Variants in SIPA1 observed in about 807,000 individuals in gnomAD.
SIPA1 encodes signal-induced proliferation-associated protein 1.
In SIPA1, 51 loss-of-function variants were observed where a neutral mutation model predicts 88.1. The observed-to-expected ratio is 0.58, with a 90% CI of 0.46 to 0.73. The LOEUF is 0.73. SIPA1 is among the 30% of genes least tolerant of loss of function. SIPA1 has a pLI of 0.00. For synonymous variants in SIPA1, 681 were observed against 664.8 expected (o/e 1.02, Z -0.37); for missense variants, 1,348 against 1,467.6 (o/e 0.92, Z 1.33).
Position 65,650,680 on chromosome 11 carries a change from A to T in SIPA1, c.3094A>T (p.Lys1032Ter). The T allele has an allele frequency of 6.3e-7, 1 of 1,580,054 alleles. No individual in the cohort carries two copies. The highest frequency in any genetic ancestry group is 1.7e-4 in the Middle Eastern group (1 of 6,006). ...SAATRLLLAS[K>*]QLGSPTADLA ...AGCCACACGCCTCCTCCTGGCCTCC[A>T]AGCAGCTGGGCTCACCCACCGCCGA... The change falls in exon 16 of 16, where the codon AAG becomes TAG. Residue 1032 changes from lysine (K) to a stop codon, truncating the protein, a stop_gained. Coordinates refer to ENST00000534313, the MANE Select transcript of SIPA1 (RefSeq NM_006747.4). LOFTEE classifies it high-confidence loss of function.
rs1223660297 is a variant in SIPA1, at chr11:65,647,867, C to CCT, written c.2306+216_2306+217dup. 1.5e-4 allele frequency among the ~76,000 whole-genome samples: 22 copies of CCT among 151,248 alleles called. No individual in the cohort carries two copies. The East Asian group carries it at 2.7e-3, about 19-fold the overall frequency. On this transcript the variant is annotated intron_variant, in intron 9 of 15. Coordinates refer to ENST00000534313, the MANE Select transcript of SIPA1 (RefSeq NM_006747.4). ...CTCTGTCCTTCCTTCCTCTCTCTCT[C>CCT]CTCTCTCTTTTTTTTTTTTTTGAGA...
chr11:65,644,901 G>T (rs1035958373), intron 4 of SIPA1, 54 bp from the exon 5 acceptor site: 11 of 1,547,436 alleles, frequency 7.1e-6, no homozygotes, highest in Non-Finnish European at 9.7e-6. Context: ...CTAAGAGCTG[G>T]TGGGGTGGGG....
Position 65,641,311 on chromosome 11 carries a change from G to A in SIPA1, c.390G>A (p.Pro130=), listed in dbSNP as rs778761409. The change falls in exon 2 of 16, where the codon CCG becomes CCA. Residue 130 remains proline, a synonymous_variant. Coordinates refer to ENST00000534313, the MANE Select transcript of SIPA1 (RefSeq NM_006747.4). ...DVQSLLFDWA[P]RSQGMGSHSE... Reference sequence around the variant, plus strand: ...AAAGCCTGCTCTTTGATTGGGCTCCGAGGTCTCAGGGGATGGGGAGCCACT... The same window carrying A: ...AAAGCCTGCTCTTTGATTGGGCTCCAAGGTCTCAGGGGATGGGGAGCCACT... The A allele has an allele frequency of 3.7e-5, 59 of 1,613,602 alleles. No individual in the cohort carries two copies. The highest frequency in any genetic ancestry group is 4.5e-5 in the Non-Finnish European group (53 of 1,180,034).
At chr11:65,647,300 G>T in intron 8 of SIPA1, 84 bp from the exon 9 acceptor site, 1 of 1,369,372 alleles carries the variant, frequency 7.3e-7, no homozygotes, top group Non-Finnish European at 9.4e-7. Flanking sequence ...AGTTCCGTGT[G>T]GCCTGGGACG....
rs1856015839 is a variant in SIPA1, at chr11:65,642,111, A to G, written c.680-139A>G. 6 of 1,227,720 alleles carry G rather than the reference A, an allele frequency of 4.9e-6. No homozygotes were observed. The Admixed American group carries it at 1.1e-4, about 23-fold the overall frequency. The allele number at this position is 1,227,720 out of a possible 1,614,324, so 76.1% of individuals were successfully genotyped here. A position where few individuals can be genotyped will look rare whatever the true frequency, so the allele number is the denominator to read the frequency against. On this transcript the variant is annotated intron_variant, in intron 2 of 15. Transcript: ENST00000534313. The surrounding 1 kb of genome is among the most constrained non-coding windows in gnomAD (Gnocchi z 6.5). ...ATCAAGATATTGAGCTCGGGGCTAC[A>G]GAGGGGCGGGACTTAGTCTAGGGTC...
At position 65,641,223 on chromosome 11, in the gene SIPA1, A is replaced by T. The variant is rs1471679904; in HGVS notation, c.302A>T (p.Glu101Val). 6.2e-7 allele frequency: 1 copy of T among 1,612,974 alleles called. No homozygotes were observed. Among genetic ancestry groups the T allele is most frequent in the South Asian group, 1.1e-5 (1 of 91,080 alleles). The change falls in exon 2 of 16, where the codon GAG (glutamate) becomes GTG (valine). Residue 101 changes from glutamate to valine, a missense_variant. By Grantham distance (121) the Glu-to-Val change is moderately radical (BLOSUM62 -2). Coordinates refer to ENST00000534313, the MANE Select transcript of SIPA1 (RefSeq NM_006747.4). ...DPLALLGLPA[E>V]EPEPAFPPVL... ...CTGGCACTGCTGGGGCTGCCAGCAGAGGAACCAGAGCCTGCCTTCCCACCA... is the reference window on the plus strand; with the variant it reads ...CTGGCACTGCTGGGGCTGCCAGCAGTGGAACCAGAGCCTGCCTTCCCACCA...
Position 65,649,477 on chromosome 11 carries a change from G to A in SIPA1, c.2522G>A (p.Arg841His), listed in dbSNP as rs757958736. Residue 841 changes from arginine to histidine, a missense_variant, in exon 10 of 16, where the codon CGC (arginine) becomes CAC (histidine). Coordinates refer to ENST00000534313, the MANE Select transcript of SIPA1 (RefSeq NM_006747.4). ...FLHSQNSLSP[R>H]SSLSDEAPVL... is the part of the protein sequence containing the mutation. ...CACAGCCAGAACTCGCTGTCACCAC[G>A]CAGGTGCACACTCTTGGCCTTCCCT... is the stretch of plus-strand genomic sequence containing the variant. The A allele has an allele frequency of 5.0e-6, 8 of 1,613,268 alleles. No individual in the cohort carries two copies. Among genetic ancestry groups the A allele is most frequent in the African/African-American group, 2.7e-5 (2 of 74,894 alleles).
Position 65,647,396 on chromosome 11 carries a change from G to T in SIPA1, c.2044G>T (p.Gly682Cys). 6.9e-7 allele frequency: 1 copy of T among 1,455,044 alleles called. No homozygotes were observed. Among genetic ancestry groups the T allele is most frequent in the Non-Finnish European group, 9.0e-7 (1 of 1,111,768 alleles). 90.1% of individuals were successfully genotyped at this position (1,455,044 alleles called of 1,614,324 possible). The change falls in exon 9 of 16, where the codon GGC becomes TGC. Residue 682 changes from glycine (G) to cysteine (C), a missense_variant. Gly to Cys is a radical substitution (Grantham distance 159, BLOSUM62 -3). Coordinates refer to ENST00000534313, the MANE Select transcript of SIPA1 (RefSeq NM_006747.4). ...GCCCCGTCCGCAGCTGGTGAGCCGT[G>T]GCTGCGAGACCCGCGAGCTGGCGCT... is the stretch of plus-strand genomic sequence containing the variant. ...VVARLQLVSR[G>C]CETRELALPR...
Position 65,647,486 on chromosome 11 carries a change from G to T in SIPA1, c.2134G>T (p.Glu712Ter). 3 of 1,454,018 alleles carry T rather than the reference G, an allele frequency of 2.1e-6. No homozygotes were observed. Among genetic ancestry groups the T allele is most frequent in the East Asian group, 3.0e-5 (1 of 33,096 alleles). 90.1% of individuals were successfully genotyped at this position (1,454,018 alleles called of 1,614,324 possible). The change falls in exon 9 of 16, where the codon GAG (glutamate) becomes TAG (stop). Residue 712 changes from glutamate to a stop codon, truncating the protein, a stop_gained. Transcript: ENST00000534313. LOFTEE classifies it high-confidence loss of function. ...CGCCGAGGGATTCGTCACGCACGTG[G>T]AGCGCTTCACATTCGCCGAGACGGC... The part of the protein sequence containing the change: ...VDAEGFVTHV[E>*]RFTFAETAGL...
chr11:65,649,539 G>C, intron 10 of SIPA1, 22 bp from the exon 11 acceptor site: 1 of 1,613,964 alleles, frequency 6.2e-7, no homozygotes, highest in Middle Eastern at 1.6e-4. Flanking sequence ...TTCCCTTTCT[G>C]AGCCACCCCT....
At chr11:65,648,551 G>A (rs900742693) in intron 9 of SIPA1, among the ~76,000 whole-genome samples, 2 of 152,014 alleles carry the variant, frequency 1.3e-5, no homozygotes, top group Admixed American at 6.6e-5. Context: ...TGTAAAATCC[G>A]GACCGGGCGC....
rs1590922191 is a variant in SIPA1, at chr11:65,646,193, T to C, written c.1264-28T>C. 1 of 1,611,138 alleles carries C rather than the reference T, an allele frequency of 6.2e-7. No individual in the cohort carries two copies. The highest frequency in any genetic ancestry group is 1.1e-5 in the South Asian group (1 of 90,926). On this transcript the variant is annotated intron_variant, in intron 6 of 15. Transcript: ENST00000534313. The surrounding 1 kb of genome is among the most constrained non-coding windows in gnomAD (Gnocchi z 7.5). ...GGGGTTTGGGGCACAGAAGACCTCATCACGAGCCCCTACTATCCAACCCCT... is the reference window on the plus strand; with the variant it reads ...GGGGTTTGGGGCACAGAAGACCTCACCACGAGCCCCTACTATCCAACCCCT...
chr11:65,649,845 T>C lies in SIPA1; in HGVS notation c.2726T>C (p.Leu909Pro). Residue 909 changes from leucine to proline, a missense_variant, in exon 12 of 16, where the codon CTG becomes CCG. Physicochemically the swap from Leu to Pro is moderately conservative, Grantham distance 98. This residue lies in a region of SIPA1 where 615 missense variants were observed against 559.8 expected (regional missense o/e 1.10). Transcript: ENST00000534313. ...RASFLPRTLS[L>P]RNSISRIMSE... Reference sequence around the variant, plus strand: ...TCCTTTCTGCCACGTACCTTGTCTCTGCGGAACTCCATCAGCAGGAGTGAG... The same window carrying C: ...TCCTTTCTGCCACGTACCTTGTCTCCGCGGAACTCCATCAGCAGGAGTGAG... 1 of 1,614,066 alleles carries C rather than the reference T, an allele frequency of 6.2e-7. No homozygotes were observed. The highest frequency in any genetic ancestry group is 8.5e-7 in the Non-Finnish European group (1 of 1,180,024).
Position 65,641,194 on chromosome 11 carries a change from C to A in SIPA1, c.273C>A (p.Asp91Glu). The A allele has an allele frequency of 6.2e-7, 1 of 1,611,722 alleles. No individual in the cohort carries two copies. The highest frequency in any genetic ancestry group is 8.5e-7 in the Non-Finnish European group (1 of 1,179,996). Reference protein sequence around the residue: ...PAATSTRLFTDPLALLGLPAE... With the variant: ...PAATSTRLFTEPLALLGLPAE... ...CCACTTCCACCCGGCTCTTCACTGA[C>A]CCGCTGGCACTGCTGGGGCTGCCAG... Residue 91 changes from aspartate to glutamate, a missense_variant, in exon 2 of 16, where the codon GAC (aspartate) becomes GAA (glutamate). Transcript: ENST00000534313.
Position 65,650,814 on chromosome 11 carries a change from C to A in SIPA1, c.*99C>A, listed in dbSNP as rs145995596. 1.6e-6 allele frequency: 2 copies of A among 1,278,682 alleles called. No homozygotes were observed. The highest frequency in any genetic ancestry group is 2.1e-6 in the Non-Finnish European group (2 of 957,354). 79.2% of individuals were successfully genotyped at this position (1,278,682 alleles called of 1,614,324 possible). On this transcript the variant is annotated 3_prime_UTR_variant, in exon 16 of 16. Coordinates refer to ENST00000534313, the MANE Select transcript of SIPA1 (RefSeq NM_006747.4). The stretch of plus-strand genomic sequence containing the variant: ...AGAGGCGTGTCTTAGCACTGCCCCC[C>A]TCCCTAGCCCCTTATTTGGTGGCGG...
chr11:65,650,822 C>A lies in SIPA1; in HGVS notation c.*107C>A. 3 of 1,257,176 alleles carry A rather than the reference C, an allele frequency of 2.4e-6. No homozygotes were observed. The highest frequency in any genetic ancestry group is 2.9e-5 in the Admixed American group (1 of 34,486). 77.9% of individuals were successfully genotyped at this position (1,257,176 alleles called of 1,614,324 possible). A position where few individuals can be genotyped will look rare whatever the true frequency, so the allele number is the denominator to read the frequency against. On this transcript the variant is annotated 3_prime_UTR_variant, in exon 16 of 16. Coordinates refer to ENST00000534313, the MANE Select transcript of SIPA1 (RefSeq NM_006747.4). ...GTCTTAGCACTGCCCCCCTCCCTAG[C>A]CCCTTATTTGGTGGCGGAAGTGGCC...
chr11:65,645,953 A>G lies in SIPA1; in HGVS notation c.1259A>G (p.Gln420Arg), dbSNP rs1474092512. Reference sequence around the variant, plus strand: ...CTGCCTTACACCCCTAATAACCAGCAGCAGGTGTGAGGGGGACCAACGTGG... The same window carrying G: ...CTGCCTTACACCCCTAATAACCAGCGGCAGGTGTGAGGGGGACCAACGTGG... ...TMLPYTPNNQ[Q>R]QLLRKRHIGN... The change falls in exon 6 of 16, where the codon CAG (glutamine) becomes CGG (arginine). Residue 420 changes from glutamine to arginine, a missense_variant. Gln to Arg is a conservative substitution (Grantham distance 43). This residue lies in a region of SIPA1 where 641 missense variants were observed against 797.7 expected (regional missense o/e 0.80). Coordinates refer to ENST00000534313, the MANE Select transcript of SIPA1 (RefSeq NM_006747.4). 1 of 1,609,788 alleles carries G rather than the reference A, an allele frequency of 6.2e-7. No individual in the cohort carries two copies.
In SIPA1 at chr11:65,647,594, C is replaced by T; in HGVS notation, c.2242C>T (p.Leu748=). ...SLRPEAAAQL[L]RSAPKVCVTV... Reference sequence around the variant, plus strand: ...CCGGCCCGAGGCCGCTGCCCAGCTCCTGCGCTCGGCGCCCAAGGTCTGCGT... The same window carrying T: ...CCGGCCCGAGGCCGCTGCCCAGCTCTTGCGCTCGGCGCCCAAGGTCTGCGT... The change falls in exon 9 of 16, where the codon CTG becomes TTG. Residue 748 remains leucine (L), a synonymous_variant. Coordinates refer to ENST00000534313, the MANE Select transcript of SIPA1 (RefSeq NM_006747.4). 11 of 1,391,844 alleles carry T rather than the reference C, an allele frequency of 7.9e-6. No homozygotes were observed. The highest frequency in any genetic ancestry group is 1.0e-5 in the Non-Finnish European group (11 of 1,076,134). The allele number at this position is 1,391,844 out of a possible 1,614,324, so 86.2% of individuals were successfully genotyped here. A position where few individuals can be genotyped will look rare whatever the true frequency, so the allele number is the denominator to read the frequency against.
Position 65,640,839 on chromosome 11 carries a change from C to T in SIPA1, c.-83C>T. On this transcript the variant is annotated 5_prime_UTR_variant, in exon 2 of 16. Coordinates refer to ENST00000534313, the MANE Select transcript of SIPA1 (RefSeq NM_006747.4). The stretch of plus-strand genomic sequence containing the variant: ...GCCCCCTCCTCCTTCAGGGCAGGAA[C>T]TGCTGCCACAACCTCAGGCTGGGCA... 7.9e-7 allele frequency: 1 copy of T among 1,268,842 alleles called. No individual in the cohort carries two copies. Among genetic ancestry groups the T allele is most frequent in the Non-Finnish European group, 1.0e-6 (1 of 955,126 alleles). 78.6% of individuals were successfully genotyped at this position (1,268,842 alleles called of 1,614,324 possible).
Sources: gnomAD v4.1 joint callset for allele counts (sites outside exome capture counted in the v4.1 genomes callset) on GRCh38, gnomAD v4.1.1 for gene constraint, gnomAD v4.1.1 regional missense constraint, Gnocchi (gnomAD v3.1) non-coding constraint, MANE v1.5 for transcripts, NCBI Gene and HGNC (gene_info 2026-07-23, HGNC 2026-07-21) for gene names.